Variants in LRGUK observed in about 807,000 individuals in gnomAD.
LRGUK encodes the protein leucine rich repeats and guanylate kinase domain containing.
In LRGUK, 65 loss-of-function variants were observed where a neutral mutation model predicts 76.0. That is an observed-to-expected ratio of 0.85 (90% CI 0.70 to 1.05). LRGUK has a LOEUF of 1.05. Among genes scored for constraint, LRGUK ranks in the 50% least tolerant of loss-of-function variants. LRGUK has a pLI of 0.00. For missense variants in LRGUK, 758 were observed against 732.8 expected, an observed-to-expected ratio of 1.03 and a Z score of -0.40; for synonymous variants, 268 against 265.6, an observed-to-expected ratio of 1.01 and a Z score of -0.09.
intron 8 of LRGUK, among the ~76,000 whole-genome samples, chr7:134,175,963 A>C (rs1799461298): frequency 6.6e-6 from 1 of 152,218 alleles, no homozygotes; most frequent in Non-Finnish European, 1.5e-5. Flanking sequence ...TAAAATATTA[A>C]AGTTTCATTA....
At chr7:134,181,800 T>G (rs1799763453) in intron 10 of LRGUK, among the ~76,000 whole-genome samples, 1 of 152,200 alleles carries the variant, frequency 6.6e-6, no homozygotes, top group Non-Finnish European at 1.5e-5. Flanking sequence ...AGCAGAACAT[T>G]AAAACAAGGA....
At chr7:134,178,934 A>AAAAAAAAAAAAACC (rs1554464240) in intron 10 of LRGUK, among the ~76,000 whole-genome samples, 4 of 78,130 alleles carry the variant, frequency 5.1e-5, no homozygotes, top group African/African-American at 1.1e-4. Flanking sequence ...CTCAAAAAAA[A>AAAAAAAAAAAAACC]AAAAAAAAAA....
intron 12 of LRGUK, among the ~76,000 whole-genome samples, chr7:134,195,032 C>T (rs910158605): frequency 2.6e-5 from 4 of 152,110 alleles, no homozygotes; most frequent in African/African-American, 4.8e-5. Flanking sequence ...GCCAGTGAGC[C>T]GGGAGTGCTG....
intron 16 of LRGUK, among the ~76,000 whole-genome samples, chr7:134,230,083 G>C (rs1801856015): frequency 6.6e-6 from 1 of 151,668 alleles, no homozygotes; most frequent in African/African-American, 2.4e-5. Flanking sequence ...CACAGCATGA[G>C]GAAAAAAAAG....
intron 19 of LRGUK, among the ~76,000 whole-genome samples, chr7:134,259,817 A>C (rs1474253100): frequency 1.3e-5 from 2 of 152,104 alleles, no homozygotes; most frequent in East Asian, 3.9e-4. Flanking sequence ...GGGACCTGCC[A>C]CTCCAGGGCC....
chr7:134,241,253 C>T (rs1802142024), intron 16 of LRGUK, among the ~76,000 whole-genome samples: 9 of 152,162 alleles, frequency 5.9e-5, no homozygotes, highest in Admixed American at 5.9e-4. Context: ...AAGACACAGA[C>T]TGGCAAATTG....
At chr7:134,224,201 C>T (rs1801676342) in intron 16 of LRGUK, among the ~76,000 whole-genome samples, 1 of 152,164 alleles carries the variant, frequency 6.6e-6, no homozygotes, top group African/African-American at 2.4e-5. Flanking sequence ...AGAGTGCAAA[C>T]CTTCAGACCA....
At chr7:134,275,455 A>C in the LRGUK span, among the ~76,000 whole-genome samples, 4 of 152,124 alleles carry the variant, frequency 2.6e-5, no homozygotes, top group Non-Finnish European at 4.4e-5. Flanking sequence ...GAGAGATGAG[A>C]GGTGAGAAAT....
At chr7:134,171,273 T>A (rs746004109) in intron 7 of LRGUK, among the ~76,000 whole-genome samples, 10 of 152,132 alleles carry the variant, frequency 6.6e-5, no homozygotes, top group Non-Finnish European at 1.0e-4. Context: ...ACCATCATCA[T>A]CAACTAGTTG....
chr7:134,220,635 C>A (rs1801567531), intron 15 of LRGUK, among the ~76,000 whole-genome samples: 1 of 151,792 alleles, frequency 6.6e-6, no homozygotes, highest in Non-Finnish European at 1.5e-5. Flanking sequence ...CTCTGTCACC[C>A]AGGCTGGAGT....
chr7:134,257,032 C>T (rs1016125086), intron 18 of LRGUK, among the ~76,000 whole-genome samples: 7 of 152,102 alleles, frequency 4.6e-5, no homozygotes, highest in Admixed American at 3.9e-4. Context: ...GGGAGAGGAT[C>T]GTGTCCACCT....
At chr7:134,268,476 G>T (rs1804147706), downstream of LRGUK, among the ~76,000 whole-genome samples, 1 of 151,964 alleles carries the variant, frequency 6.6e-6, no homozygotes, top group African/African-American at 2.4e-5. Flanking sequence ...AGAAGAATTA[G>T]GTTGAATTAA....
In LRGUK at chr7:134,153,423, T is replaced by C. The variant is rs74972449; in HGVS notation, c.671-4612T>C. On this transcript the variant is annotated intron_variant, in intron 5 of 15. Transcript: ENST00000645682. ...TGCCAAGTTTATGTAAATATACTTA[T>C]TCTTAAGAAAGAGTACAGTTTATTC... 1.1e-3 allele frequency among the ~76,000 whole-genome samples: 163 copies of C among 152,294 alleles called. 1 individual carries two copies. Among genetic ancestry groups the C allele is most frequent in the African/African-American group, 3.8e-3 (157 of 41,588 alleles).
intron 7 of LRGUK, among the ~76,000 whole-genome samples, chr7:134,172,891 G>A (rs901606107): frequency 5.3e-5 from 8 of 152,016 alleles, no homozygotes; most frequent in Admixed American, 1.3e-4. Flanking sequence ...GGGGGCTGAG[G>A]TAGGAAGGTT....
At chr7:134,232,302 A>G (rs1030101126) in intron 16 of LRGUK, among the ~76,000 whole-genome samples, 8 of 151,452 alleles carry the variant, frequency 5.3e-5, no homozygotes, top group East Asian at 1.9e-4. Context: ...TTTTTGAGAC[A>G]GGGTCTCACC....
intron 1 of LRGUK, among the ~76,000 whole-genome samples, chr7:134,131,566 C>A (rs769050856): frequency 2.6e-5 from 4 of 152,096 alleles, no homozygotes; most frequent in Non-Finnish European, 4.4e-5. Flanking sequence ...ACAGAAGAAG[C>A]CTCCTAGGTA....
At chr7:134,148,498 A>T (rs993026899) in intron 5 of LRGUK, among the ~76,000 whole-genome samples, 179 bp downstream of exon 5, 1 of 152,250 alleles carries the variant, frequency 6.6e-6, no homozygotes, top group Non-Finnish European at 1.5e-5. Context: ...TATTTTATTT[A>T]CCAAGAAATG....
rs779241408 is a variant in LRGUK at position 134,197,115 on chromosome 7, T to C, written c.1545+10T>C. The C allele has an allele frequency of 1.3e-6, 2 of 1,482,832 alleles. No homozygotes were observed. Among genetic ancestry groups the C allele is most frequent in the East Asian group, 4.5e-5 (2 of 44,206 alleles). The allele number at this position is 1,482,832 out of a possible 1,614,324, so 91.9% of individuals were successfully genotyped here. A position where few individuals can be genotyped will look rare whatever the true frequency, so the allele number is the denominator to read the frequency against. On this transcript the variant is annotated intron_variant, in intron 13 of 15. Transcript: ENST00000645682. ...TCATATGGAAATAGAAGTAAGTGTT[T>C]TCATTCAACCAATTAATGTGTGTGT...
chr7:134,159,368 A>C (rs1798624452), intron 6 of LRGUK, among the ~76,000 whole-genome samples: 2 of 151,572 alleles, frequency 1.3e-5, no homozygotes, highest in Admixed American at 1.3e-4. Flanking sequence ...AAGAAATGAC[A>C]TCTTGGATTA....
Sources: allele counts gnomAD v4.1 joint callset (sites outside exome capture counted in the v4.1 genomes callset), GRCh38; gene constraint gnomAD v4.1.1; transcripts MANE v1.5; gene names NCBI Gene and HGNC (gene_info 2026-07-23, HGNC 2026-07-21).